Variants in KLKB1 observed in about 807,000 individuals in gnomAD.
KLKB1 encodes plasma kallikrein.
Under a neutral mutation model 73.6 loss-of-function variants are expected in KLKB1, and 58 were observed. The observed-to-expected ratio is 0.79, with a 90% CI of 0.64 to 0.98. The LOEUF is 0.98. KLKB1 is among the 50% of genes least tolerant of loss of function. The pLI, the probability that KLKB1 is intolerant of heterozygous loss-of-function variation, is 0.00. For synonymous variants in KLKB1, 280 were observed against 258.1 expected (o/e 1.08, Z -0.81); for missense variants, 737 against 763.8 (o/e 0.96, Z 0.41).
At chr4:186,229,973 A>G (rs1009481315) in intron 2 of KLKB1, among the ~76,000 whole-genome samples, 1 of 152,156 alleles carries the variant, frequency 6.6e-6, no homozygotes, top group African/African-American at 2.4e-5. Context: ...GAAACTTAAG[A>G]CAATACACAG....
chr4:186,225,058 C>G (rs542882832), upstream of KLKB1, among the ~76,000 whole-genome samples: 1 of 152,284 alleles, frequency 6.6e-6, no homozygotes, highest in African/African-American at 2.4e-5. Flanking sequence ...CCTCTGCCTT[C>G]CATCGTGATT....
At chr4:186,214,797 A>T (rs150492908) in intron 2 of KLKB1, among the ~76,000 whole-genome samples, 33 of 152,296 alleles carry the variant, frequency 2.2e-4, no homozygotes, top group Middle Eastern at 3.4e-3. Context: ...TCCTTGCCTC[A>T]GTTTCTTGTC....
rs756695916 is a variant in KLKB1, at chr4:186,257,223, C to A, written c.1586-3C>A. The A allele has an allele frequency of 6.4e-7, 1 of 1,558,918 alleles. No individual in the cohort carries two copies. Among genetic ancestry groups the A allele is most frequent in the Non-Finnish European group, 8.8e-7 (1 of 1,139,824 alleles). On this transcript the variant is annotated splice_polypyrimidine_tract_variant and splice_region_variant and intron_variant, in intron 13 of 14. Coordinates refer to ENST00000264690, the MANE Select transcript of KLKB1 (RefSeq NM_000892.5). Reference sequence around the variant, plus strand: ...TCTGAGGTTATATATTGGTTACTCACAGGTGAAATCCAAAATATTCTACAA... The same window carrying A: ...TCTGAGGTTATATATTGGTTACTCAAAGGTGAAATCCAAAATATTCTACAA...
intron 6 of KLKB1, among the ~76,000 whole-genome samples, chr4:186,239,613 A>G (rs1320771950): frequency 6.9e-6 from 1 of 144,436 alleles, no homozygotes; most frequent in East Asian, 2.0e-4. Context: ...GTTATAGGAA[A>G]CTAGTACAGT....
rs142327338 is a variant in KLKB1, at chr4:186,236,387, C to T, written c.329-394C>T. On this transcript the variant is annotated intron_variant, in intron 4 of 14. Transcript: ENST00000264690. ...GATAGAGAAGCTCTTTCATTCAATG[C>T]GAAAGGTCAAAGGCACATCAGTTTC... Among the ~76,000 whole-genome samples, 9 of 152,242 alleles carry T rather than the reference C, an allele frequency of 5.9e-5. No individual in the cohort carries two copies. The East Asian group carries it at 1.7e-3, about 29-fold the overall frequency.
intron 1 of KLKB1, among the ~76,000 whole-genome samples, 173 bp from the exon 2 acceptor site, chr4:186,228,021 TC>T (rs1252696943): frequency 2.0e-5 from 3 of 152,116 alleles, no homozygotes; most frequent in African/African-American, 7.2e-5. Flanking sequence ...TTATAAATTT[TC>T]CAACTCCCTA....
intron 14 of KLKB1, 107 bp downstream of exon 14, chr4:186,257,472 G>A: frequency 8.3e-6 from 8 of 964,858 alleles, no homozygotes; most frequent in Middle Eastern, 3.4e-4. Context: ...AAAATTCAGA[G>A]ACAAATGATC....
intron 14 of KLKB1, 25 bp downstream of exon 14, chr4:186,257,390 A>G (rs779608419): frequency 2.6e-6 from 4 of 1,558,596 alleles, no homozygotes; most frequent in East Asian, 2.3e-5. Context: ...TATGAAAAAC[A>G]CAATAGGCTG....
intron 6 of KLKB1, among the ~76,000 whole-genome samples, chr4:186,238,726 C>T (rs1445447009): frequency 2.0e-5 from 3 of 152,272 alleles, no homozygotes; most frequent in Admixed American, 1.3e-4. Context: ...AAAGAGTTTC[C>T]CTGTGGAGCG....
chr4:186,256,155 G>A (rs1173386976), intron 13 of KLKB1, 68 bp downstream of exon 13: 6 of 910,480 alleles, frequency 6.6e-6, no homozygotes, highest in East Asian at 2.5e-5. Context: ...GGAGTGGGTC[G>A]TTTTAATCGG....
chr4:186,220,889 G>A (rs1370633696), intron 2 of KLKB1, among the ~76,000 whole-genome samples: 1 of 152,170 alleles, frequency 6.6e-6, no homozygotes, highest in African/African-American at 2.4e-5. Flanking sequence ...AAGGATTGGT[G>A]TTAATTCTTT....
At chr4:186,219,649 G>A (rs575800173) in intron 2 of KLKB1, among the ~76,000 whole-genome samples, 2 of 152,268 alleles carry the variant, frequency 1.3e-5, no homozygotes, top group South Asian at 4.2e-4. Flanking sequence ...GGCATAGCCG[G>A]TATTGATGAC....
upstream of KLKB1, among the ~76,000 whole-genome samples, chr4:186,224,332 A>G (rs896408093): frequency 6.6e-6 from 1 of 151,714 alleles, no homozygotes; most frequent in East Asian, 1.9e-4. Context: ...AGATGCCAGA[A>G]TGGTAGATCC....
At chr4:186,244,588 A>G (rs1738228464) in intron 6 of KLKB1, among the ~76,000 whole-genome samples, 1 of 152,176 alleles carries the variant, frequency 6.6e-6, no homozygotes, top group African/African-American at 2.4e-5. Context: ...TAGTAAAGAA[A>G]GCATGTTTGA....
intron 2 of KLKB1, chr4:186,228,751 T>C (rs1214937091): frequency 1.3e-5 from 2 of 155,578 alleles, no homozygotes; most frequent in African/African-American, 4.8e-5. Context: ...TAGCAAACCA[T>C]GCATTTGGAT....
At position 186,258,034 on chromosome 4, in the gene KLKB1, G is replaced by T. The variant is rs762236688; in HGVS notation, c.1739G>T (p.Gly580Val). 10 of 1,613,812 alleles carry T rather than the reference G, an allele frequency of 6.2e-6. No individual in the cohort carries two copies. In the South Asian group the frequency reaches 9.9e-5, roughly 16 times the overall value. Residue 580 changes from glycine (G) to valine (V), a missense_variant, in exon 15 of 15, where the codon GGT becomes GTT. By Grantham distance (109) the Gly-to-Val change is moderately radical. Coordinates refer to ENST00000264690, the MANE Select transcript of KLKB1 (RefSeq NM_000892.5). ...GKDACKGDSG[G>V]PLVCKHNGMW... The stretch of plus-strand genomic sequence containing the variant: ...ACTGTGACTCAGGGAGATTCAGGTG[G>T]TCCCTTAGTTTGCAAACACAATGGA...
intron 2 of KLKB1, among the ~76,000 whole-genome samples, chr4:186,216,646 C>T (rs1008087198): frequency 1.9e-4 from 29 of 152,110 alleles, no homozygotes; most frequent in African/African-American, 7.0e-4. Flanking sequence ...CTTTCAAGCA[C>T]GTGCAGTTTG....
intron 5 of KLKB1, 94 bp from the exon 6 acceptor site, chr4:186,238,162 T>A (rs983336076): frequency 5.7e-5 from 47 of 823,226 alleles, no homozygotes; most frequent in Non-Finnish European, 8.7e-5. Context: ...GGTCATTGTT[T>A]TTCCACTGTG....
chr4:186,253,336 A>T (rs1410058667), intron 11 of KLKB1, among the ~76,000 whole-genome samples: 1 of 152,240 alleles, frequency 6.6e-6, no homozygotes, highest in Non-Finnish European at 1.5e-5. Context: ...AGGATTGAAC[A>T]TACTGCCACC....
Sources: gnomAD v4.1 joint callset for allele counts (sites outside exome capture counted in the v4.1 genomes callset) on GRCh38, gnomAD v4.1.1 for gene constraint, MANE v1.5 for transcripts, NCBI Gene and HGNC (gene_info 2026-07-23, HGNC 2026-07-21) for gene names.